Variants in IL12B observed in about 807,000 individuals in gnomAD.
The protein encoded by IL12B is interleukin-12 subunit beta.
IL12B carries 27 observed loss-of-function variants against 39.2 expected under a neutral mutation model. The ratio of observed to expected loss-of-function variants is 0.69; its 90% CI spans 0.51 to 0.95. The LOEUF (loss-of-function observed/expected upper bound fraction) is 0.95, where lower values mean the gene tolerates loss of function less well. IL12B is among the 40% of genes least tolerant of loss of function. The pLI is 0.00. For missense variants in IL12B, 351 were observed against 397.6 expected (o/e 0.88, Z 1.00); for synonymous variants, 142 against 152.1 (o/e 0.93, Z 0.49).
At chr5:159,326,414 T>C (rs1002715870) in intron 2 of IL12B, among the ~76,000 whole-genome samples, 2 of 152,206 alleles carry the variant, frequency 1.3e-5, no homozygotes, top group African/African-American at 2.4e-5. Context: ...TTTAGTAATA[T>C]TGGAAAATAT....
intron 3 of IL12B, 82 bp from the exon 4 acceptor site, chr5:159,322,593 G>T: frequency 1.1e-6 from 1 of 897,888 alleles, no homozygotes; most frequent in Non-Finnish European, 1.9e-6. Flanking sequence ...CAGATCACCA[G>T]ATGGTACAGG....
intron 2 of IL12B, among the ~76,000 whole-genome samples, chr5:159,325,131 C>T (rs3181219): frequency 0.083 from 12,643 of 152,226 alleles, 664 homozygotes; most frequent in Middle Eastern, 0.16. Flanking sequence ...GGCACTTAGC[C>T]TCACTGCATC....
intron 2 of IL12B, among the ~76,000 whole-genome samples, chr5:159,323,537 C>T (rs1490360069): frequency 6.6e-6 from 1 of 152,156 alleles, no homozygotes; most frequent in Non-Finnish European, 1.5e-5. Context: ...TTTATAGCTG[C>T]CATCGACTCA....
chr5:159,323,736 T>G (rs1754140554), intron 2 of IL12B, among the ~76,000 whole-genome samples: 1 of 152,088 alleles, frequency 6.6e-6, no homozygotes, highest in Non-Finnish European at 1.5e-5. Flanking sequence ...ACATAGTGGT[T>G]AAAAGCTCAG....
rs1038491723 is a variant in IL12B at position 159,315,882 on chromosome 5, C to T, written c.*219G>A. The T allele has an allele frequency of 6.6e-6, 1 of 152,384 alleles. No individual in the cohort carries two copies. The highest frequency in any genetic ancestry group is 1.5e-5 in the Non-Finnish European group (1 of 68,024). The allele number at this position is 152,384 out of a possible 1,614,324, so 9.4% of individuals were successfully genotyped here. A position where few individuals can be genotyped will look rare whatever the true frequency, so the allele number is the denominator to read the frequency against. ...TAAATAGCATGAAGGCCCATGGCAACTTGAGAGCTGGAAAATCTATACATA... is the reference window on the plus strand; with the variant it reads ...TAAATAGCATGAAGGCCCATGGCAATTTGAGAGCTGGAAAATCTATACATA... On this transcript the variant is annotated 3_prime_UTR_variant, in exon 8 of 8. Coordinates refer to ENST00000231228, the MANE Select transcript of IL12B (RefSeq NM_002187.3).
At chr5:159,321,106 C>T (rs1285733999) in intron 4 of IL12B, among the ~76,000 whole-genome samples, 2 of 151,604 alleles carry the variant, frequency 1.3e-5, no homozygotes, top group East Asian at 3.9e-4. Flanking sequence ...CTCAAGTGAT[C>T]CCCTCCCTCT....
At chr5:159,325,699 T>A (rs1046804581) in intron 2 of IL12B, 1 of 152,232 alleles carries the variant, frequency 6.6e-6, no homozygotes, top group African/African-American at 2.4e-5. Flanking sequence ...GGCCTCAGTT[T>A]CCAACATCTG....
At position 159,328,791 on chromosome 5, in the gene IL12B, G is replaced by A. The variant is rs117223052; in HGVS notation, c.-1+1641C>T. Among the ~76,000 whole-genome samples, 59 of 152,270 alleles carry A rather than the reference G, an allele frequency of 3.9e-4. No homozygotes were observed. In the East Asian group the frequency reaches 0.011, roughly 27 times the overall value. ...TCAGATGCATTTGACAATCTCAGGT[G>A]AACTGCACTTCAGGGTCAAGGGAAC... is the stretch of plus-strand genomic sequence containing the variant. On this transcript the variant is annotated intron_variant, in intron 1 of 7. Transcript: ENST00000231228.
chr5:159,325,162 C>A (rs1754164573), intron 2 of IL12B, among the ~76,000 whole-genome samples: 1 of 152,170 alleles, frequency 6.6e-6, no homozygotes, highest in African/African-American at 2.4e-5. Context: ...CTAAGTCACA[C>A]CTCGGAGAGT....
rs745557945 is a variant in IL12B, at chr5:159,323,091, A to G, written c.327T>C (p.Asp109=). The change falls in exon 3 of 8, where the codon GAT becomes GAC. Residue 109 remains aspartate, a synonymous_variant. Transcript: ENST00000231228. ...TTAAAATATCAGTGGACCAAATTCC[A>G]TCTTCCTTTTTGTGAAGCAGCAGGA... ...HSLLLLHKKE[D]GIWSTDILKD... 9 of 1,614,152 alleles carry G rather than the reference A, an allele frequency of 5.6e-6. No individual in the cohort carries two copies. Among genetic ancestry groups the G allele is most frequent in the Admixed American group, 1.7e-5 (1 of 60,010 alleles).
intron 7 of IL12B, 131 bp downstream of exon 7, chr5:159,316,554 G>A: frequency 1.1e-6 from 1 of 910,842 alleles, no homozygotes; most frequent in Admixed American, 2.0e-5. Flanking sequence ...ATAAATGTAT[G>A]TTTCTGATTC....
chr5:159,321,558 A>T (rs1031849861), intron 4 of IL12B, among the ~76,000 whole-genome samples: 4 of 152,064 alleles, frequency 2.6e-5, no homozygotes, highest in African/African-American at 9.7e-5. Context: ...TATTATGGGG[A>T]GCTCTCCATG....
chr5:159,322,959 T>G (rs1289649763), intron 3 of IL12B, 95 bp downstream of exon 3: 6 of 1,192,494 alleles, frequency 5.0e-6, no homozygotes, highest in Non-Finnish European at 7.5e-6. Context: ...TTCATTACAC[T>G]CACCATGACT....
chr5:159,318,566 T>C (rs1339386761), intron 6 of IL12B, among the ~76,000 whole-genome samples, 170 bp downstream of exon 6: 1 of 152,214 alleles, frequency 6.6e-6, no homozygotes, highest in Non-Finnish European at 1.5e-5. Flanking sequence ...GGGTACACCA[T>C]ATATGTTTGC....
chr5:159,321,082 C>T (rs544823796), intron 4 of IL12B, among the ~76,000 whole-genome samples: 1 of 151,926 alleles, frequency 6.6e-6, no homozygotes, highest in South Asian at 2.1e-4. Flanking sequence ...CCACTGTAGC[C>T]TCAAACTCCT....
At chr5:159,318,147 C>T (rs1584752420) in intron 6 of IL12B, 2 of 157,998 alleles carry the variant, frequency 1.3e-5, no homozygotes, top group African/African-American at 4.8e-5. Flanking sequence ...TTTACTTTAC[C>T]TTGCCACAGT....
At chr5:159,327,824 C>A (rs1194745617) in intron 1 of IL12B, among the ~76,000 whole-genome samples, 1 of 152,148 alleles carries the variant, frequency 6.6e-6, no homozygotes, top group African/African-American at 2.4e-5. Flanking sequence ...GTTAAATAAG[C>A]CACCATCTGA....
chr5:159,323,671 C>T (rs1554157115), intron 2 of IL12B, among the ~76,000 whole-genome samples: 2 of 152,040 alleles, frequency 1.3e-5, no homozygotes, highest in Non-Finnish European at 2.9e-5. Context: ...GAGAAACTTC[C>T]AGCACAATTT....
chr5:159,327,301 C>T (rs757312305), intron 1 of IL12B, among the ~76,000 whole-genome samples: 1 of 152,186 alleles, frequency 6.6e-6, no homozygotes, highest in Admixed American at 6.5e-5. Context: ...AAATGCCTCC[C>T]CGCCAGCTGG....
Sources: gnomAD v4.1 joint callset for allele counts (sites outside exome capture counted in the v4.1 genomes callset) on GRCh38, gnomAD v4.1.1 for gene constraint, MANE v1.5 for transcripts, NCBI Gene and HGNC (gene_info 2026-07-23, HGNC 2026-07-21) for gene names.